Variants in CEP63 observed in about 807,000 individuals in gnomAD.
CEP63 encodes centrosomal protein 63.
In CEP63, 84 loss-of-function variants were observed where a neutral mutation model predicts 89.1. The ratio of observed to expected loss-of-function variants is 0.94; its 90% confidence interval spans 0.79 to 1.13. The LOEUF is 1.13. Ranked by LOEUF, CEP63 falls within the 50% of genes most tolerant of loss-of-function variation. CEP63 has a pLI of 0.00. For synonymous variants in CEP63, 267 were observed against 272.5 expected, an observed-to-expected ratio of 0.98 and a Z score of 0.20; for missense variants, 838 against 813.3, an observed-to-expected ratio of 1.03 and a Z score of -0.37.
At chr3:134,570,276 A>G (rs1382715355) in intron 11 of CEP63, among the ~76,000 whole-genome samples, 1 of 152,168 alleles carries the variant, frequency 6.6e-6, no homozygotes, top group African/African-American at 2.4e-5. Flanking sequence ...TTGCTGTTCT[A>G]TTGCATTGTC....
the CEP63 span, among the ~76,000 whole-genome samples, chr3:134,623,311 C>T: frequency 6.6e-6 from 1 of 152,184 alleles, no homozygotes; most frequent in Non-Finnish European, 1.5e-5. Flanking sequence ...AATCTGGGCC[C>T]TTTGCAGACT....
chr3:134,689,942 G>A, the CEP63 span, among the ~76,000 whole-genome samples: 1 of 152,172 alleles, frequency 6.6e-6, no homozygotes, highest in South Asian at 2.1e-4. Flanking sequence ...GAAGTCAATT[G>A]CCTGACAGAA....
downstream of CEP63, among the ~76,000 whole-genome samples, chr3:134,577,530 A>G (rs187537768): frequency 6.9e-6 from 1 of 144,760 alleles, no homozygotes; most frequent in Admixed American, 7.4e-5. Context: ...GAGTTCAAGC[A>G]ATTCTCATGC....
chr3:134,524,092 G>T (rs1306635151), intron 3 of CEP63, among the ~76,000 whole-genome samples: 2 of 151,780 alleles, frequency 1.3e-5, no homozygotes, highest in Non-Finnish European at 2.9e-5. Context: ...TTTTTCTATA[G>T]ATTTTTCACC....
At chr3:134,732,682 A>T in the CEP63 span, among the ~76,000 whole-genome samples, 1 of 152,190 alleles carries the variant, frequency 6.6e-6, no homozygotes, top group African/African-American at 2.4e-5. Flanking sequence ...TTCAGTCTGC[A>T]TGTAATTGGA....
At chr3:134,702,475 A>G in the CEP63 span, among the ~76,000 whole-genome samples, 5 of 152,274 alleles carry the variant, frequency 3.3e-5, no homozygotes, top group African/African-American at 1.2e-4. Context: ...TTCAAACTAT[A>G]CTACAGGGCT....
At chr3:134,776,072 G>A in the CEP63 span, among the ~76,000 whole-genome samples, 2 of 152,232 alleles carry the variant, frequency 1.3e-5, no homozygotes, top group Non-Finnish European at 2.9e-5. Flanking sequence ...TGGTGTTGTA[G>A]GACTGTGTCT....
the CEP63 span, among the ~76,000 whole-genome samples, chr3:134,633,288 G>C: frequency 6.6e-6 from 1 of 151,892 alleles, no homozygotes; most frequent in Non-Finnish European, 1.5e-5. Context: ...TCAACACAAA[G>C]ACAGCAAAAG....
intron 9 of CEP63, 100 bp downstream of exon 9, chr3:134,547,572 A>AGATTTTTT: frequency 1.0e-6 from 1 of 967,338 alleles, no homozygotes; most frequent in Non-Finnish European, 1.5e-6. Flanking sequence ...AAAAAAAATA[A>AGATTTTTT]GATTTTTTTC....
chr3:134,557,585 A>G (rs537023635), intron 12 of CEP63, among the ~76,000 whole-genome samples: 71 of 152,158 alleles, frequency 4.7e-4, no homozygotes, highest in African/African-American at 1.6e-3. Context: ...ACCAGATCAG[A>G]ATAGTAATTC....
chr3:134,545,745 G>T lies in CEP63; in HGVS notation c.715G>T (p.Gly239Ter), dbSNP rs1173565237. 3.1e-6 allele frequency: 5 copies of T among 1,613,980 alleles called. No individual in the cohort carries two copies. Among genetic ancestry groups the T allele is most frequent in the Non-Finnish European group, 3.4e-6 (4 of 1,180,020 alleles). The change falls in exon 7 of 15, where the codon GGA becomes TGA. Residue 239 changes from glycine to a stop codon, truncating the protein, a stop_gained. Transcript: ENST00000675561. LOFTEE classifies it high-confidence loss of function. ...CACCATGAGGGTCAATGACTTGGTT[G>T]GAACCAGTATGACTGTCCTACAGGA... is the stretch of plus-strand genomic sequence containing the variant. ...RLTMRVNDLV[G>*]TSMTVLQEQQ...
At chr3:134,740,589 GC>G in the CEP63 span, among the ~76,000 whole-genome samples, 2 of 152,112 alleles carry the variant, frequency 1.3e-5, no homozygotes, top group Non-Finnish European at 2.9e-5. Flanking sequence ...GAGCCACCGT[GC>G]CCCGCCTCTT....
the CEP63 span, among the ~76,000 whole-genome samples, chr3:134,687,301 C>A: frequency 2.3e-4 from 35 of 152,286 alleles, no homozygotes; most frequent in Non-Finnish European, 2.2e-4. Context: ...TTACTACTAC[C>A]CCCTCTCACA....
the CEP63 span, among the ~76,000 whole-genome samples, chr3:134,740,474 A>T: frequency 4.0e-4 from 61 of 151,662 alleles, no homozygotes; most frequent in East Asian, 7.8e-4. Context: ...ATTTTTTGTA[A>T]TTTTAGTAGA....
At chr3:134,705,474 C>T in the CEP63 span, among the ~76,000 whole-genome samples, 2 of 152,194 alleles carry the variant, frequency 1.3e-5, no homozygotes, top group Admixed American at 1.3e-4. Context: ...CAAACATCTC[C>T]CATCAGGCCT....
chr3:134,691,345 G>A, the CEP63 span, among the ~76,000 whole-genome samples: 8 of 141,010 alleles, frequency 5.7e-5, no homozygotes, highest in Non-Finnish European at 4.6e-5. Context: ...GTGACAGAGA[G>A]AGATCCTGTC....
the CEP63 span, among the ~76,000 whole-genome samples, chr3:134,596,272 C>A: frequency 2.0e-5 from 3 of 152,224 alleles, no homozygotes; most frequent in Admixed American, 1.3e-4. Flanking sequence ...TGCTACCCAC[C>A]TTTACAGGCA....
chr3:134,758,514 G>C, the CEP63 span, among the ~76,000 whole-genome samples: 1 of 152,190 alleles, frequency 6.6e-6, no homozygotes, highest in Non-Finnish European at 1.5e-5. Context: ...GAAGGTATGC[G>C]GGGTGGGTGT....
chr3:134,707,772 TGATGC>T, the CEP63 span, among the ~76,000 whole-genome samples: 1 of 143,990 alleles, frequency 6.9e-6, no homozygotes, highest in African/African-American at 2.6e-5. Flanking sequence ...ACACAATTAA[TGATGC>T]TCATTGAGGT....
Sources: allele counts gnomAD v4.1 joint callset (sites outside exome capture counted in the v4.1 genomes callset), GRCh38; gene constraint gnomAD v4.1.1; transcripts MANE v1.5; gene names NCBI Gene and HGNC (gene_info 2026-07-23, HGNC 2026-07-21).